Variants in UBA7 observed in about 807,000 individuals in gnomAD.
UBA7 encodes ubiquitin like modifier activating enzyme 7, also known as ubiquitin-like modifier-activating enzyme 7.
A neutral mutation model predicts 113.0 loss-of-function variants in UBA7; 88 were observed. The observed-to-expected ratio is 0.78, with a 90% CI of 0.66 to 0.93. The LOEUF is 0.93. Among genes scored for constraint, UBA7 ranks in the 40% least tolerant of loss-of-function variants. UBA7 has a pLI of 0.00. For missense variants in UBA7, 1,092 were observed against 1,266.4 expected, an observed-to-expected ratio of 0.86 and a Z score of 2.09; for synonymous variants, 459 against 513.0, an observed-to-expected ratio of 0.89 and a Z score of 1.42.
In UBA7 at chr3:49,807,872, A is replaced by C. The variant is rs2081480660; in HGVS notation, c.2579T>G (p.Val860Gly). Residue 860 changes from valine (V) to glycine (G), a missense_variant, in exon 21 of 24, where the codon GTG (valine) becomes GGG (glycine). Val to Gly is a moderately radical substitution (Grantham distance 109). Around this residue, in one of 3 missense-constraint regions of UBA7, gnomAD observed 500 missense variants for 529.3 expected, o/e 0.94. Coordinates refer to ENST00000333486, the MANE Select transcript of UBA7 (RefSeq NM_003335.3). This position sits in a 1 kb window ranked among gnomAD's most constrained non-coding sequence, Gnocchi z 4.0. ...IPAIATTTAA[V>G]AGLLGLELYK... ...CAGCTCCAGGCCCAACAGGCCTGCC[A>C]CAGCTGCTGTAGTGGTGGCAATGGC... 2 of 1,613,724 alleles carry C rather than the reference A, an allele frequency of 1.2e-6. No individual in the cohort carries two copies. The highest frequency in any genetic ancestry group is 2.7e-5 in the African/African-American group (2 of 75,046).
In UBA7 at chr3:49,812,751, G is replaced by A; in HGVS notation, c.468-13C>T. ...ACAGAACAACTGCCTGAGATGGGGT[G>A]GTAGGGGTCACTGAGGTGGCTTACA... is the stretch of plus-strand genomic sequence containing the variant. On this transcript the variant is annotated splice_polypyrimidine_tract_variant and intron_variant, in intron 4 of 23. Coordinates refer to ENST00000333486, the MANE Select transcript of UBA7 (RefSeq NM_003335.3). 6.2e-7 allele frequency: 1 copy of A among 1,613,978 alleles called. No homozygotes were observed. The highest frequency in any genetic ancestry group is 8.5e-7 in the Non-Finnish European group (1 of 1,179,906).
At chr3:49,811,673 A>C in intron 8 of UBA7, 197 bp downstream of exon 8, 1 of 1,129,276 alleles carries the variant, frequency 8.9e-7, no homozygotes, top group Non-Finnish European at 1.2e-6. Context: ...TGCAGCTTCC[A>C]GCACAGATCT....
Position 49,808,382 on chromosome 3 carries a change from C to A in UBA7, c.2430+4G>T, listed in dbSNP as rs1446682272. On this transcript the variant is annotated splice_donor_region_variant and intron_variant, in intron 19 of 23. Coordinates refer to ENST00000333486, the MANE Select transcript of UBA7 (RefSeq NM_003335.3). Reference sequence around the variant, plus strand: ...CCACTCCTCACTGCCACTTGGGCACCCACCTTCTCAAACATCAGAGGCTTC... The same window carrying A: ...CCACTCCTCACTGCCACTTGGGCACACACCTTCTCAAACATCAGAGGCTTC... 9 of 1,614,078 alleles carry A rather than the reference C, an allele frequency of 5.6e-6. No homozygotes were observed. The South Asian group carries it at 9.9e-5, about 18-fold the overall frequency.
At position 49,810,837 on chromosome 3, in the gene UBA7, G is replaced by T; in HGVS notation, c.1231-5C>A. ...CCCATCATAGCGGCTGCCTCTCTAG[G>T]GGACAGAGACGGGGTCAGTGATGGC... On this transcript the variant is annotated splice_region_variant and splice_polypyrimidine_tract_variant and intron_variant, in intron 10 of 23. Transcript: ENST00000333486. The surrounding 1 kb of genome is among the most constrained non-coding windows in gnomAD (Gnocchi z 5.6). 1 of 1,614,102 alleles carries T rather than the reference G, an allele frequency of 6.2e-7. No homozygotes were observed. The highest frequency in any genetic ancestry group is 8.5e-7 in the Non-Finnish European group (1 of 1,180,032).
intron 17 of UBA7, 83 bp downstream of exon 17, chr3:49,809,307 A>G (rs2081503432): frequency 7.0e-6 from 11 of 1,560,788 alleles, no homozygotes; most frequent in Non-Finnish European, 8.7e-6. Context: ...GCATCTGTGC[A>G]TCTCTGCAGA....
chr3:49,811,741 C>T (rs958322751), intron 8 of UBA7, 129 bp downstream of exon 8: 2 of 1,474,358 alleles, frequency 1.4e-6, no homozygotes, highest in East Asian at 2.3e-5. Context: ...TCCATGGAAC[C>T]AGTCTCTACT....
intron 8 of UBA7, 23 bp downstream of exon 8, chr3:49,811,847 G>A (rs1431868367): frequency 1.9e-6 from 3 of 1,610,630 alleles, no homozygotes; most frequent in South Asian, 1.1e-5. Context: ...GAGGCTGGGG[G>A]TGGGAGCAAC....
chr3:49,810,567 CTA>C lies in UBA7; in HGVS notation c.1415_1416del (p.Ile472ArgfsTer18). ...GGLTVVDMDH[I>X]ERSNLSRQFL... ...AACTGACGGCTGAGATTGGAGCGCTCTATGTGGTCCATGTCAACAACAGTCAA... is the reference window on the plus strand; with the variant it reads ...AACTGACGGCTGAGATTGGAGCGCTCTGTGGTCCATGTCAACAACAGTCAA... On this transcript the variant is annotated frameshift_variant, in exon 12 of 24. Coordinates refer to ENST00000333486, the MANE Select transcript of UBA7 (RefSeq NM_003335.3). LOFTEE classifies it high-confidence loss of function. This position sits in a 1 kb window ranked among gnomAD's most constrained non-coding sequence, Gnocchi z 5.6. The C allele has an allele frequency of 6.2e-7, 1 of 1,614,126 alleles. No individual in the cohort carries two copies. The highest frequency in any genetic ancestry group is 8.5e-7 in the Non-Finnish European group (1 of 1,180,010).
chr3:49,809,410 A>G lies in UBA7; in HGVS notation c.2143T>C (p.Leu715=). 1 of 1,614,134 alleles carries G rather than the reference A, an allele frequency of 6.2e-7. No homozygotes were observed. The highest frequency in any genetic ancestry group is 8.5e-7 in the Non-Finnish European group (1 of 1,179,992). The change falls in exon 17 of 24, where the codon TTG becomes CTG. Residue 715 remains leucine (L), a synonymous_variant. Coordinates refer to ENST00000333486, the MANE Select transcript of UBA7 (RefSeq NM_003335.3). ...WSGPKQCPQP[L]EFDTNQDTHL... ...CTCACTTGGTTGGTGTCAAACTCCA[A>G]GGGCTGGGGACACTGTTTGGGACCT...
At position 49,809,448 on chromosome 3, in the gene UBA7, G is replaced by C; in HGVS notation, c.2105C>G (p.Thr702Ser). 6.2e-7 allele frequency: 1 copy of C among 1,614,208 alleles called. No homozygotes were observed. Among genetic ancestry groups the C allele is most frequent in the Non-Finnish European group, 8.5e-7 (1 of 1,180,030 alleles). ...FPPNKVLEDG[T>S]PFWSGPKQCP... is the part of the protein sequence containing the mutation. ...CTGTTTGGGACCTGACCAGAAGGGAGTTCCATCCTCAAGCACCTAGGTAGG... is the reference window on the plus strand; with the variant it reads ...CTGTTTGGGACCTGACCAGAAGGGACTTCCATCCTCAAGCACCTAGGTAGG... The change falls in exon 17 of 24, where the codon ACT (threonine) becomes AGT (serine). Residue 702 changes from threonine to serine, a missense_variant. This residue lies in a region of UBA7 where 500 missense variants were observed against 529.3 expected (regional missense o/e 0.94). Transcript: ENST00000333486.
At position 49,807,305 on chromosome 3, in the gene UBA7, C is replaced by A. The variant is rs2081469888; in HGVS notation, c.2715+431G>T. On this transcript the variant is annotated intron_variant, in intron 21 of 23. Transcript: ENST00000333486. The surrounding 1 kb of genome is among the most constrained non-coding windows in gnomAD (Gnocchi z 4.0). The stretch of plus-strand genomic sequence containing the variant: ...ACACTCAGGGCTGCAGACCCCACAC[C>A]TCTAGTGGCAAGCCTATTACCTTTT... 6.6e-6 allele frequency among the ~76,000 whole-genome samples: 1 copy of A among 152,210 alleles called. No individual in the cohort carries two copies. The highest frequency in any genetic ancestry group is 6.5e-5 in the Admixed American group (1 of 15,280).
Position 49,807,783 on chromosome 3 carries a change from C to T in UBA7, c.2668G>A (p.Glu890Lys), listed in dbSNP as rs751262898. The T allele has an allele frequency of 5.6e-5, 90 of 1,613,640 alleles. No homozygotes were observed. Among genetic ancestry groups the T allele is most frequent in the Non-Finnish European group, 6.9e-5 (82 of 1,179,890 alleles). Residue 890 changes from glutamate to lysine, a missense_variant, in exon 21 of 24, where the codon GAA becomes AAA. By Grantham distance (56) the Glu-to-Lys change is moderately conservative (BLOSUM62 1). Coordinates refer to ENST00000333486, the MANE Select transcript of UBA7 (RefSeq NM_003335.3). This position sits in a 1 kb window ranked among gnomAD's most constrained non-coding sequence, Gnocchi z 4.0. Reference sequence around the variant, plus strand: ...GGCATATAGCGGATGAGGTAGTTTTCAGCCAGATGTAGGTAGCTGTGGCGA... The same window carrying T: ...GGCATATAGCGGATGAGGTAGTTTTTAGCCAGATGTAGGTAGCTGTGGCGA... ...AFRHSYLHLAENYLIRYMPFA... is the reference protein window; with the variant it reads ...AFRHSYLHLAKNYLIRYMPFA...
chr3:49,806,227 A>C (rs1363225188), intron 21 of UBA7, 62 bp from the exon 22 acceptor site: 20 of 1,391,228 alleles, frequency 1.4e-5, no homozygotes, highest in Non-Finnish European at 1.9e-5. Context: ...CATCCCAGTT[A>C]CCAGCAGCCT....
At position 49,810,218 on chromosome 3, in the gene UBA7, G is replaced by GC. The variant is rs2081521394; in HGVS notation, c.1634-36dup. The GC allele has an allele frequency of 1.1e-5, 17 of 1,612,716 alleles. No individual in the cohort carries two copies. The highest frequency in any genetic ancestry group is 1.4e-5 in the Non-Finnish European group (17 of 1,179,230). On this transcript the variant is annotated intron_variant, in intron 13 of 23. Transcript: ENST00000333486. The surrounding 1 kb of genome is among the most constrained non-coding windows in gnomAD (Gnocchi z 5.6). ...GAGCAGTGGGTCAGAAGTGGGACTG[G>GC]CACAGCTGTGGGCAAGGGACTGACC...
At chr3:49,805,856 A>G (rs1257506835) in intron 23 of UBA7, 41 bp downstream of exon 23, 3 of 1,531,734 alleles carry the variant, frequency 2.0e-6, no homozygotes, top group Non-Finnish European at 2.7e-6. Flanking sequence ...CCCAGCCTCC[A>G]GGGACTGGTG....
Position 49,810,953 on chromosome 3 carries a change from C to A in UBA7, c.1230+31G>T. 1 of 1,612,898 alleles carries A rather than the reference C, an allele frequency of 6.2e-7. No individual in the cohort carries two copies. The highest frequency in any genetic ancestry group is 8.5e-7 in the Non-Finnish European group (1 of 1,178,996). ...CTTCTCCCCTAGTCCTGATTTTGGA[C>A]AAGGCTTGCACCCCTATCCCAGGCT... On this transcript the variant is annotated intron_variant, in intron 10 of 23. Transcript: ENST00000333486. The surrounding 1 kb of genome is among the most constrained non-coding windows in gnomAD (Gnocchi z 5.6).
At position 49,812,394 on chromosome 3, in the gene UBA7, T is replaced by C. The variant is rs1462605660; in HGVS notation, c.694+14A>G. The C allele has an allele frequency of 6.2e-7, 1 of 1,613,972 alleles. No individual in the cohort carries two copies. Among genetic ancestry groups the C allele is most frequent in the Admixed American group, 1.7e-5 (1 of 60,016 alleles). ...TTGGGCCCTGCACCTGGAATTGGAATGGGATTGGCTTACCCCGCACGTGGA... is the reference window on the plus strand; with the variant it reads ...TTGGGCCCTGCACCTGGAATTGGAACGGGATTGGCTTACCCCGCACGTGGA... On this transcript the variant is annotated intron_variant, in intron 6 of 23. Transcript: ENST00000333486.
rs765884834 is a variant in UBA7, at chr3:49,809,035, T to TG, written c.2287dup (p.Gln763ProfsTer9). On this transcript the variant is annotated frameshift_variant, in exon 18 of 24. Coordinates refer to ENST00000333486, the MANE Select transcript of UBA7 (RefSeq NM_003335.3). LOFTEE classifies it high-confidence loss of function. ...ACTAGCAAAGATGGGGGCCATCTGT[T>TG]GGGGGTCAGGCTGTGGCAGCAGCTT... The TG allele has an allele frequency of 2.5e-6, 4 of 1,613,868 alleles. No homozygotes were observed. The highest frequency in any genetic ancestry group is 2.2e-5 in the South Asian group (2 of 91,046).
rs1229424986 is a variant in UBA7, at chr3:49,810,565, C to T, written c.1419G>A (p.Glu473=). Residue 473 remains glutamate, a synonymous_variant, in exon 12 of 24, where the codon GAG becomes GAA. Coordinates refer to ENST00000333486, the MANE Select transcript of UBA7 (RefSeq NM_003335.3). This position sits in a 1 kb window ranked among gnomAD's most constrained non-coding sequence, Gnocchi z 5.6. ...GGAACTGACGGCTGAGATTGGAGCG[C>T]TCTATGTGGTCCATGTCAACAACAG... ...GLTVVDMDHI[E]RSNLSRQFLF... is the part of the protein sequence containing the mutation. 1.9e-6 allele frequency: 3 copies of T among 1,614,050 alleles called. No homozygotes were observed. In the African/African-American group the frequency reaches 4.0e-5, roughly 22 times the overall value.
Sources: gnomAD v4.1 joint callset for allele counts (sites outside exome capture counted in the v4.1 genomes callset) on GRCh38, gnomAD v4.1.1 for gene constraint, gnomAD v4.1.1 regional missense constraint, Gnocchi (gnomAD v3.1) non-coding constraint, MANE v1.5 for transcripts, NCBI Gene and HGNC (gene_info 2026-07-23, HGNC 2026-07-21) for gene names.